The following FAM53B variants were observed in gnomAD, a reference collection of about 807,000 sequenced individuals.
The protein encoded by FAM53B is family with sequence similarity 53 member B.
FAM53B carries 12 observed loss-of-function variants against 32.7 expected under a neutral mutation model. The ratio of observed to expected loss-of-function variants is 0.37; its 90% confidence interval spans 0.24 to 0.59. The LOEUF (loss-of-function observed/expected upper bound fraction) is 0.59. FAM53B is among the 20% of genes least tolerant of loss of function. The pLI is 0.72. For missense variants in FAM53B, 477 were observed against 577.7 expected, an observed-to-expected ratio of 0.83 and a Z score of 1.79; for synonymous variants, 234 against 228.7, an observed-to-expected ratio of 1.02 and a Z score of -0.21.
intron 3 of FAM53B, among the ~76,000 whole-genome samples, 160 bp downstream of exon 3, chr10:124,695,998 C>T (rs1262516063): frequency 6.6e-6 from 1 of 152,176 alleles, no homozygotes; most frequent in Non-Finnish European, 1.5e-5. Context: ...TTCACTCAGG[C>T]ACCGTAGGGG....
intron 4 of FAM53B, among the ~76,000 whole-genome samples, chr10:124,675,254 AAAAGAAAGG>A (rs1949729948): frequency 6.6e-6 from 1 of 152,200 alleles, no homozygotes; most frequent in Non-Finnish European, 1.5e-5. Flanking sequence ...ACACTCCGTC[AAAAGAAAGG>A]AAAGAAAGGG....
chr10:124,637,248 G>A (rs1484072825), intron 4 of FAM53B, among the ~76,000 whole-genome samples: 12 of 152,194 alleles, frequency 7.9e-5, no homozygotes, highest in Admixed American at 3.9e-4. Context: ...AGGGTCCGCA[G>A]GTGGCAGGAG....
intron 4 of FAM53B, among the ~76,000 whole-genome samples, chr10:124,626,393 C>CA (rs1437637831): frequency 6.9e-6 from 1 of 145,632 alleles, no homozygotes; most frequent in South Asian, 2.3e-4. Flanking sequence ...TTTGTGCCCC[C>CA]CCCCCCCCCA....
chr10:124,690,070 G>A (rs1190758630), intron 3 of FAM53B, among the ~76,000 whole-genome samples: 1 of 152,222 alleles, frequency 6.6e-6, no homozygotes, highest in Non-Finnish European at 1.5e-5. Flanking sequence ...AAGTGAAACG[G>A]GCAGCTGCTG....
chr10:124,740,845 G>A (rs1047312596), intron 1 of FAM53B, among the ~76,000 whole-genome samples: 4 of 152,170 alleles, frequency 2.6e-5, no homozygotes, highest in African/African-American at 2.4e-5. Flanking sequence ...GGTAGCAGCC[G>A]GACGAGGCAA....
intron 4 of FAM53B, among the ~76,000 whole-genome samples, chr10:124,635,049 A>G (rs1343140985): frequency 6.6e-6 from 1 of 152,172 alleles, no homozygotes; most frequent in Non-Finnish European, 1.5e-5. Context: ...CCTAATATAC[A>G]ATTGAGAAGA....
In FAM53B at chr10:124,621,502, AC is replaced by A. The variant is rs1233005200; in HGVS notation, c.*1739del. On this transcript the variant is annotated 3_prime_UTR_variant, in exon 5 of 5. Coordinates refer to ENST00000337318, the MANE Select transcript of FAM53B (RefSeq NM_014661.4). The stretch of plus-strand genomic sequence containing the variant: ...CTGGGACCTGCCCAGTGCCCGGCAT[AC>A]CCCATGTGTCAGCCACCTGAGCTAG... 2 of 152,028 alleles carry A rather than the reference AC, an allele frequency of 1.3e-5. No individual in the cohort carries two copies. The highest frequency in any genetic ancestry group is 6.6e-5 in the Admixed American group (1 of 15,254). 9.4% of individuals were successfully genotyped at this position (152,028 alleles called of 1,614,324 possible). A position where few individuals can be genotyped will look rare whatever the true frequency, so the allele number is the denominator to read the frequency against.
rs147846193 is a variant in FAM53B at position 124,706,488 on chromosome 10, G to C, written c.78+148C>G. ...CAGTCAAGCTCTGCTCCTGTGCCCT[G>C]TTGCCCCAGCCCGGGACGCCTCACA... On this transcript the variant is annotated intron_variant, in intron 2 of 4. Transcript: ENST00000337318. 1,224 of 897,692 alleles carry C rather than the reference G, an allele frequency of 1.4e-3. 20 individuals carry two copies. In the Admixed American group the frequency reaches 0.02, roughly 14 times the overall value. 55.6% of individuals were successfully genotyped at this position (897,692 alleles called of 1,614,324 possible).
rs183843879 is a variant in FAM53B at position 124,632,071 on chromosome 10, G to A, written c.907-8467C>T. ...CCTGAGGCCTACACCCCAGGATGCC[G>A]TGGGTAAGAACAGACCTTGGAGGCC... On this transcript the variant is annotated intron_variant, in intron 4 of 4. Transcript: ENST00000337318. Among the ~76,000 whole-genome samples the A allele has an allele frequency of 8.2e-4, 125 of 152,320 alleles. 4 individuals are homozygous for A. The East Asian group carries it at 0.024, about 29-fold the overall frequency.
intron 4 of FAM53B, among the ~76,000 whole-genome samples, chr10:124,641,553 T>C (rs1949473431): frequency 6.6e-6 from 1 of 152,218 alleles, no homozygotes; most frequent in Admixed American, 6.5e-5. Flanking sequence ...GACAACCATG[T>C]GTCATCACTG....
intron 4 of FAM53B, among the ~76,000 whole-genome samples, chr10:124,654,173 A>T (rs1325523382): frequency 6.6e-6 from 1 of 152,268 alleles, no homozygotes; most frequent in Non-Finnish European, 1.5e-5. Context: ...ATTAGGAAGC[A>T]TTGTGAGAAA....
At chr10:124,626,303 G>T (rs1209647934) in intron 4 of FAM53B, among the ~76,000 whole-genome samples, 2 of 152,138 alleles carry the variant, frequency 1.3e-5, no homozygotes, top group Non-Finnish European at 2.9e-5. Flanking sequence ...CTGGCATAAG[G>T]CGCAGGTAGC....
intron 3 of FAM53B, among the ~76,000 whole-genome samples, chr10:124,691,125 CA>C (rs1564878990): frequency 6.6e-6 from 1 of 152,174 alleles, no homozygotes; most frequent in East Asian, 1.9e-4. Flanking sequence ...GTTTAAAGAC[CA>C]AAAGCTACCA....
At chr10:124,644,002 C>T (rs1949494293) in intron 4 of FAM53B, among the ~76,000 whole-genome samples, 1 of 152,210 alleles carries the variant, frequency 6.6e-6, no homozygotes, top group South Asian at 2.1e-4. Flanking sequence ...GCCTCCACAC[C>T]TGCTCGGGAA....
At chr10:124,716,952 AC>A (rs1206302939) in intron 1 of FAM53B, among the ~76,000 whole-genome samples, 1 of 152,160 alleles carries the variant, frequency 6.6e-6, no homozygotes, top group Non-Finnish European at 1.5e-5. Flanking sequence ...GCCTAAGACA[AC>A]CATGACCTGT....
chr10:124,666,003 C>T (rs1050425966), intron 4 of FAM53B, among the ~76,000 whole-genome samples: 2 of 152,220 alleles, frequency 1.3e-5, no homozygotes, highest in Non-Finnish European at 2.9e-5. Context: ...ACACGCTAGT[C>T]TTCCCTGAGC....
intron 4 of FAM53B, among the ~76,000 whole-genome samples, chr10:124,657,449 C>A (rs1226648530): frequency 6.6e-6 from 1 of 152,030 alleles, no homozygotes; most frequent in Non-Finnish European, 1.5e-5. Context: ...CACTTCTCAG[C>A]GTTATAACTG....
At position 124,682,098 on chromosome 10, in the gene FAM53B, T is replaced by C. The variant is rs1201253745; in HGVS notation, c.415A>G (p.Thr139Ala). 6.2e-7 allele frequency: 1 copy of C among 1,613,542 alleles called. No individual in the cohort carries two copies. The highest frequency in any genetic ancestry group is 1.3e-5 in the African/African-American group (1 of 74,970). The change falls in exon 4 of 5, where the codon ACT becomes GCT. Residue 139 changes from threonine (T) to alanine (A), a missense_variant. Physicochemically the swap from Thr to Ala is moderately conservative, Grantham distance 58. Transcript: ENST00000337318. This position sits in a 1 kb window ranked among gnomAD's most constrained non-coding sequence, Gnocchi z 5.2. ...SWRPLGSKVW[T>A]PVEKRRCYSG... The stretch of plus-strand genomic sequence containing the variant: ...TAGCAGCGTCTCTTTTCCACGGGAG[T>C]CCAGACTTTGGAGCCCAAGGGCCTC...
intron 4 of FAM53B, among the ~76,000 whole-genome samples, chr10:124,631,904 G>A (rs1335028273): frequency 6.6e-6 from 1 of 152,198 alleles, no homozygotes; most frequent in Non-Finnish European, 1.5e-5. Flanking sequence ...CCTGCCAAGC[G>A]TGCAGGGAAC....
Sources: allele counts gnomAD v4.1 joint callset (sites outside exome capture counted in the v4.1 genomes callset), GRCh38; gene constraint gnomAD v4.1.1; non-coding constraint Gnocchi (gnomAD v3.1); transcripts MANE v1.5; gene names NCBI Gene and HGNC (gene_info 2026-07-23, HGNC 2026-07-21).